ACAP3: variants seen among roughly 807,000 people sequenced by gnomAD.
ACAP3 encodes ArfGAP with coiled-coil, ankyrin repeat and PH domains 3.
In ACAP3, 56 loss-of-function variants were observed where a neutral mutation model predicts 104.1. That is an observed-to-expected ratio of 0.54 (90% CI 0.43 to 0.67). The LOEUF (loss-of-function observed/expected upper bound fraction) is 0.67. Ranked by LOEUF, ACAP3 falls within the 30% of genes least tolerant of loss-of-function variation. The pLI, the probability that ACAP3 is intolerant of heterozygous loss-of-function variation, is 0.00. For synonymous variants in ACAP3, 628 were observed against 496.2 expected, an observed-to-expected ratio of 1.27 and a Z score of -3.53; for missense variants, 1,208 against 1,174.9, an observed-to-expected ratio of 1.03 and a Z score of -0.41.
At position 1,296,604 on chromosome 1, in the gene ACAP3, C is replaced by A. The variant is rs766289709; in HGVS notation, c.1158G>T (p.Thr386=). ...ERLDRTASPS[T]SSIDSATDTR... ...TGTCGGTGGCGGAGTCGATGCTGCT[C>A]GTGGACGGGGATGCTGTGCGGTCCA... The change falls in exon 15 of 24, where the codon ACG becomes ACT. Residue 386 remains threonine (T), a synonymous_variant. Coordinates refer to ENST00000354700, the MANE Select transcript of ACAP3 (RefSeq NM_030649.3). 6.5e-7 allele frequency: 1 copy of A among 1,538,388 alleles called. No homozygotes were observed.
At position 1,304,066 on chromosome 1, in the gene ACAP3, G is replaced by A; in HGVS notation, c.105+20C>T. 5.2e-6 allele frequency: 8 copies of A among 1,550,322 alleles called. No individual in the cohort carries two copies. The highest frequency in any genetic ancestry group is 3.6e-5 in the South Asian group (3 of 84,060). ...TCCCAAGCTTGGCCGGGCACAGGGC[G>A]CTCCAGGCCCGCCCTTCACCTTGTC... On this transcript the variant is annotated intron_variant, in intron 2 of 23. Transcript: ENST00000354700.
At position 1,303,366 on chromosome 1, in the gene ACAP3, G is replaced by A. The variant is rs1641536568; in HGVS notation, c.106-85C>T. 3 of 1,511,880 alleles carry A rather than the reference G, an allele frequency of 2.0e-6. No homozygotes were observed. The highest frequency in any genetic ancestry group is 1.2e-5 in the South Asian group (1 of 81,356). 93.7% of individuals were successfully genotyped at this position (1,511,880 alleles called of 1,614,324 possible). ...ACACGGCCACTCAGAGGCAGGAAGA[G>A]CTCCCAGGGTAGGTTCCACTCAGGG... On this transcript the variant is annotated intron_variant, in intron 2 of 23. Transcript: ENST00000354700. The surrounding 1 kb of genome is among the most constrained non-coding windows in gnomAD (Gnocchi z 4.0).
intron 5 of ACAP3, chr1:1,301,754 A>C: frequency 2.8e-6 from 1 of 363,300 alleles, no homozygotes; most frequent in East Asian, 4.3e-5. Flanking sequence ...CCCCAAACCC[A>C]ACGTGGACTG....
chr1:1,294,459 G>A lies in ACAP3; in HGVS notation c.2082C>T (p.Val694=). 6.4e-7 allele frequency: 1 copy of A among 1,568,898 alleles called. No individual in the cohort carries two copies. Among genetic ancestry groups the A allele is most frequent in the Non-Finnish European group, 8.6e-7 (1 of 1,163,876 alleles). Residue 694 remains valine (V), a synonymous_variant, in exon 21 of 24, where the codon GTC becomes GTT. Coordinates refer to ENST00000354700, the MANE Select transcript of ACAP3 (RefSeq NM_030649.3). The part of the protein sequence containing the change: ...LAAALAHGAE[V]NWADAEDEGK... ...CCTCATCCTCCGCGTCCGCCCAGTT[G>A]ACCTCGGCCCCGTGGGCCAGCGCCG...
In ACAP3 at chr1:1,303,998, G is replaced by A. The variant is rs561182676; in HGVS notation, c.105+88C>T. 2.6e-5 allele frequency: 39 copies of A among 1,489,734 alleles called. 1 individual carries two copies. Among genetic ancestry groups the A allele is most frequent in the Non-Finnish European group, 3.1e-5 (34 of 1,097,442 alleles). The allele number at this position is 1,489,734 out of a possible 1,614,324, so 92.3% of individuals were successfully genotyped here. A position where few individuals can be genotyped will look rare whatever the true frequency, so the allele number is the denominator to read the frequency against. ...CATGCTCCACATATGGGGGGTGTAA[G>A]TGGCTTAGTAAGGCCTGGAGGGCGA... is the stretch of plus-strand genomic sequence containing the variant. On this transcript the variant is annotated intron_variant, in intron 2 of 23. Transcript: ENST00000354700. This position sits in a 1 kb window ranked among gnomAD's most constrained non-coding sequence, Gnocchi z 4.0.
chr1:1,307,469 G>A (rs913174821), intron 1 of ACAP3: 4 of 1,290,362 alleles, frequency 3.1e-6, no homozygotes, highest in Non-Finnish European at 4.0e-6. Flanking sequence ...GCAGGGCCCG[G>A]GAGGGGCTCA....
At chr1:1,294,035 G>A (rs1331201306) in intron 22 of ACAP3, 55 bp downstream of exon 22, 9 of 1,494,368 alleles carry the variant, frequency 6.0e-6, no homozygotes, top group African/African-American at 2.9e-5. Context: ...GGGCGTAGCC[G>A]GGCCGGGGTA....
chr1:1,299,322 G>A lies in ACAP3; in HGVS notation c.750+23C>T, dbSNP rs201467554. 5.9e-4 allele frequency: 936 copies of A among 1,594,602 alleles called. No individual in the cohort carries two copies. Among genetic ancestry groups the A allele is most frequent in the Non-Finnish European group, 7.5e-4 (877 of 1,170,802 alleles). On this transcript the variant is annotated intron_variant, in intron 10 of 23. Transcript: ENST00000354700. The stretch of plus-strand genomic sequence containing the variant: ...TCTGGTCTCCCCCGACCCACAGCCC[G>A]CCCAGGGCCCGTGCTCACTTACCTG...
chr1:1,295,490 G>A lies in ACAP3; in HGVS notation c.1770C>T (p.Leu590=), dbSNP rs368975349. The change falls in exon 19 of 24, where the codon CTC becomes CTT. Residue 590 remains leucine, a synonymous_variant. Transcript: ENST00000354700. ...SLFCPDELDS[L]FSYFDAGAAG... is the part of the protein sequence containing the mutation. Reference sequence around the variant, plus strand: ...CGGCCCCTGCGTCGAAGTAGGAGAAGAGCGAGTCCAGCTCGTCGGGACAGA... The same window carrying A: ...CGGCCCCTGCGTCGAAGTAGGAGAAAAGCGAGTCCAGCTCGTCGGGACAGA... The A allele has an allele frequency of 2.7e-5, 44 of 1,612,512 alleles. No individual in the cohort carries two copies. Among genetic ancestry groups the A allele is most frequent in the Non-Finnish European group, 3.6e-5 (43 of 1,179,898 alleles).
chr1:1,300,268 ATAG>A lies in ACAP3; in HGVS notation c.523-69_523-67del. 4 of 1,524,260 alleles carry A rather than the reference ATAG, an allele frequency of 2.6e-6. No individual in the cohort carries two copies. The East Asian group carries it at 9.1e-5, about 35-fold the overall frequency. The allele number at this position is 1,524,260 out of a possible 1,614,324, so 94.4% of individuals were successfully genotyped here. Reference sequence around the variant, plus strand: ...GGCAGCCCCAAGCCCTGCACCTGCCATAGAGTCCACCTGAGCTGCTTGTGGTTC... The same window carrying A: ...GGCAGCCCCAAGCCCTGCACCTGCCAAGTCCACCTGAGCTGCTTGTGGTTC... On this transcript the variant is annotated intron_variant, in intron 6 of 23. Transcript: ENST00000354700.
At chr1:1,295,320 C>T in intron 19 of ACAP3, 127 bp downstream of exon 19, 1 of 817,330 alleles carries the variant, frequency 1.2e-6, no homozygotes, top group Non-Finnish European at 1.9e-6. Flanking sequence ...AGCTGTGTGG[C>T]CAGGAGGCCC....
In ACAP3 at chr1:1,295,868, G is replaced by A; in HGVS notation, c.1573C>T (p.Pro525Ser). 2.5e-6 allele frequency: 4 copies of A among 1,611,914 alleles called. No individual in the cohort carries two copies. Among genetic ancestry groups the A allele is most frequent in the Non-Finnish European group, 3.4e-6 (4 of 1,179,966 alleles). ...KKFLRKAPMA[P>S]ALEAPRRWRV... Reference sequence around the variant, plus strand: ...CAGCGTCTTGGGGCCTCCAGGGCTGGTGCCATGGGCGCCTTCCGCAGAAAC... The same window carrying A: ...CAGCGTCTTGGGGCCTCCAGGGCTGATGCCATGGGCGCCTTCCGCAGAAAC... Residue 525 changes from proline to serine, a missense_variant, in exon 18 of 24, where the codon CCA becomes TCA. Physicochemically the swap from Pro to Ser is moderately conservative, Grantham distance 74 (BLOSUM62 -1). Coordinates refer to ENST00000354700, the MANE Select transcript of ACAP3 (RefSeq NM_030649.3).
In ACAP3 at chr1:1,295,465, C is replaced by T. The variant is rs1437353187; in HGVS notation, c.1795G>A (p.Ala599Thr). 3.1e-6 allele frequency: 5 copies of T among 1,612,328 alleles called. No individual in the cohort carries two copies. Among genetic ancestry groups the T allele is most frequent in the East Asian group, 2.2e-5 (1 of 44,880 alleles). The change falls in exon 19 of 24, where the codon GCA becomes ACA. Residue 599 changes from alanine (A) to threonine (T), a missense_variant. Coordinates refer to ENST00000354700, the MANE Select transcript of ACAP3 (RefSeq NM_030649.3). ...SLFSYFDAGA[A>T]GAGPRSLSSD... Reference sequence around the variant, plus strand: ...CACTTACTGCGAGGGCCAGCCCCTGCGGCCCCTGCGTCGAAGTAGGAGAAG... The same window carrying T: ...CACTTACTGCGAGGGCCAGCCCCTGTGGCCCCTGCGTCGAAGTAGGAGAAG...
At position 1,296,456 on chromosome 1, in the gene ACAP3, G is replaced by T; in HGVS notation, c.1306C>A (p.Leu436Met). Residue 436 changes from leucine (L) to methionine (M), a missense_variant, in exon 15 of 24, where the codon CTG becomes ATG. By Grantham distance (15) the Leu-to-Met change is conservative. Transcript: ENST00000354700. ...PRWASINLGV[L>M]LCIECSGIHR... ...ATGCCGGAGCACTCAATGCAGAGCA[G>T]CACGCCCAGGTTGATGCTGGCCCAG... The T allele has an allele frequency of 1.9e-6, 3 of 1,546,536 alleles. No homozygotes were observed. The highest frequency in any genetic ancestry group is 2.6e-6 in the Non-Finnish European group (3 of 1,147,272).
intron 19 of ACAP3, 110 bp downstream of exon 19, chr1:1,295,337 C>T: frequency 9.9e-7 from 1 of 1,013,190 alleles, no homozygotes; most frequent in Non-Finnish European, 1.5e-6. Flanking sequence ...GCCCCCCGCC[C>T]CTTCAGATGC....
intron 1 of ACAP3, among the ~76,000 whole-genome samples, chr1:1,306,621 A>G (rs1180519831): frequency 2.6e-5 from 4 of 152,256 alleles, no homozygotes; most frequent in East Asian, 3.9e-4. Flanking sequence ...GCCTCCACAC[A>G]CATGCTGACT....
At chr1:1,302,107 G>A (rs1641471193) in intron 4 of ACAP3, 61 bp from the exon 5 acceptor site, 16 of 1,364,854 alleles carry the variant, frequency 1.2e-5, no homozygotes, top group South Asian at 1.8e-5. Flanking sequence ...CAGATGGAAG[G>A]CCCCATCCTC....
intron 18 of ACAP3, 25 bp downstream of exon 18, chr1:1,295,711 G>C (rs1641103599): frequency 1.3e-6 from 2 of 1,585,032 alleles, no homozygotes; most frequent in African/African-American, 1.3e-5. Flanking sequence ...GCCCCTCCCA[G>C]CCCTGCCGGG....
chr1:1,299,590 G>A, intron 9 of ACAP3: 1 of 709,256 alleles, frequency 1.4e-6, no homozygotes, highest in African/African-American at 1.8e-5. Flanking sequence ...CAAGGAGCCA[G>A]TGACTGAGGC....
Sources: gnomAD v4.1 joint callset for allele counts (sites outside exome capture counted in the v4.1 genomes callset) on GRCh38, gnomAD v4.1.1 for gene constraint, Gnocchi (gnomAD v3.1) non-coding constraint, MANE v1.5 for transcripts, NCBI Gene and HGNC (gene_info 2026-07-23, HGNC 2026-07-21) for gene names.